Variants in FNDC1 observed in about 807,000 individuals in gnomAD.
The protein encoded by FNDC1 is fibronectin type III domain-containing protein 1.
FNDC1 carries 96 observed loss-of-function variants against 168.0 expected under a neutral mutation model. That is an observed-to-expected ratio of 0.57 (90% CI 0.48 to 0.68). The LOEUF is 0.68. Among genes scored for constraint, FNDC1 ranks in the 30% least tolerant of loss-of-function variants. FNDC1 has a pLI of 0.00. For missense variants in FNDC1, 2,587 were observed against 2,482.1 expected (o/e 1.04, Z -0.90); for synonymous variants, 1,099 against 1,025.9 (o/e 1.07, Z -1.36).
intron 1 of FNDC1, among the ~76,000 whole-genome samples, chr6:159,176,063 G>A (rs1356061342): frequency 6.6e-6 from 1 of 152,192 alleles, no homozygotes; most frequent in African/African-American, 2.4e-5. Flanking sequence ...GCTGGGCTCT[G>A]CTATTTAGGG....
chr6:159,270,775 G>T (rs1777729180), intron 22 of FNDC1, among the ~76,000 whole-genome samples: 1 of 152,216 alleles, frequency 6.6e-6, no homozygotes, highest in African/African-American at 2.4e-5. Flanking sequence ...TTGGAGGATA[G>T]AGGTAAGTTG....
intron 22 of FNDC1, among the ~76,000 whole-genome samples, chr6:159,268,298 C>A (rs977366572): frequency 6.6e-6 from 1 of 152,114 alleles, no homozygotes; most frequent in African/African-American, 2.4e-5. Flanking sequence ...CTAACTCTCT[C>A]GGCCTCCAAA....
intron 1 of FNDC1, among the ~76,000 whole-genome samples, chr6:159,192,165 A>G (rs1182414039): frequency 6.6e-6 from 1 of 152,190 alleles, no homozygotes; most frequent in East Asian, 1.9e-4. Flanking sequence ...TACGTGAGCC[A>G]CCACGCTCAG....
At chr6:159,230,935 A>C (rs542031) in intron 10 of FNDC1, among the ~76,000 whole-genome samples, 58,328 of 152,048 alleles carry the variant, frequency 0.38, 14,311 homozygotes, top group East Asian at 0.73. Flanking sequence ...ATTTAATATA[A>C]TGTTTGCCTA....
intron 22 of FNDC1, among the ~76,000 whole-genome samples, chr6:159,270,120 G>A (rs1485075876): frequency 6.6e-6 from 1 of 152,134 alleles, no homozygotes; most frequent in African/African-American, 2.4e-5. Context: ...AGCTGGTGAG[G>A]TCTAGGCTGC....
intron 1 of FNDC1, among the ~76,000 whole-genome samples, chr6:159,185,841 T>C (rs294877): frequency 0.47 from 71,099 of 152,098 alleles, 19,284 homozygotes; most frequent in African/African-American, 0.75. Flanking sequence ...TTTAGTATTC[T>C]GGCCTCTGTA....
At chr6:159,255,843 A>G (rs1777359648) in intron 17 of FNDC1, among the ~76,000 whole-genome samples, 1 of 152,220 alleles carries the variant, frequency 6.6e-6, no homozygotes, top group African/African-American at 2.4e-5. Flanking sequence ...CTGTGGGATG[A>G]ACTTTACTTT....
chr6:159,201,655 T>C (rs1417659182), intron 4 of FNDC1, among the ~76,000 whole-genome samples: 2 of 152,134 alleles, frequency 1.3e-5, no homozygotes, highest in African/African-American at 4.8e-5. Context: ...AATCAAACCA[T>C]GGAAATTCAG....
At chr6:159,262,323 G>A (rs779126399) in intron 19 of FNDC1, among the ~76,000 whole-genome samples, 7 of 152,196 alleles carry the variant, frequency 4.6e-5, no homozygotes, top group Non-Finnish European at 1.0e-4. Context: ...ATTTTTAAGT[G>A]TAATGATTTA....
intron 16 of FNDC1, among the ~76,000 whole-genome samples, chr6:159,250,895 C>T (rs1417070486): frequency 2.0e-5 from 3 of 152,098 alleles, no homozygotes; most frequent in Non-Finnish European, 4.4e-5. Flanking sequence ...TTTTCCTGGT[C>T]CCAAGATAGT....
At position 159,239,953 on chromosome 6, in the gene FNDC1, A is replaced by C; in HGVS notation, c.4617A>C (p.Glu1539Asp). Reference sequence around the variant, plus strand: ...ATGGGATCCCAGAGTGCTACGCTGAAGAAGGTAACTGCCTTTGTTCTAATG... The same window carrying C: ...ATGGGATCCCAGAGTGCTACGCTGACGAAGGTAACTGCCTTTGTTCTAATG... ...SSNGIPECYA[E>D]EDEFSGLETD... Residue 1539 changes from glutamate (E) to aspartate (D), a missense_variant, in exon 14 of 23, where the codon GAA (glutamate) becomes GAC (aspartate). Physicochemically the swap from Glu to Asp is conservative, Grantham distance 45 (BLOSUM62 2). Transcript: ENST00000297267. The C allele has an allele frequency of 1.4e-6, 2 of 1,477,248 alleles. No individual in the cohort carries two copies. The highest frequency in any genetic ancestry group is 1.8e-4 in the Middle Eastern group (1 of 5,600). 91.5% of individuals were successfully genotyped at this position (1,477,248 alleles called of 1,614,324 possible). A position where few individuals can be genotyped will look rare whatever the true frequency, so the allele number is the denominator to read the frequency against.
At chr6:159,250,840 C>A (rs1478767838) in intron 16 of FNDC1, among the ~76,000 whole-genome samples, 1 of 152,150 alleles carries the variant, frequency 6.6e-6, no homozygotes, top group African/African-American at 2.4e-5. Flanking sequence ...GGGAAGGCCA[C>A]CCAGGGTTGA....
intron 5 of FNDC1, among the ~76,000 whole-genome samples, chr6:159,221,118 A>G (rs1449986733): frequency 1.3e-5 from 2 of 152,258 alleles, no homozygotes; most frequent in Admixed American, 6.5e-5. Flanking sequence ...CCACAGGGAA[A>G]GAAAGACCTG....
intron 18 of FNDC1, among the ~76,000 whole-genome samples, chr6:159,259,032 C>T (rs1340269777): frequency 1.3e-5 from 2 of 152,172 alleles, no homozygotes; most frequent in South Asian, 2.1e-4. Flanking sequence ...TCCCAAAGAA[C>T]TCTTCGGAGT....
intron 15 of FNDC1, among the ~76,000 whole-genome samples, chr6:159,248,591 AC>A (rs1265163327): frequency 6.6e-6 from 1 of 152,158 alleles, no homozygotes; most frequent in African/African-American, 2.4e-5. Flanking sequence ...GGTGTGAGCC[AC>A]CACACCTGGC....
intron 22 of FNDC1, among the ~76,000 whole-genome samples, chr6:159,269,564 A>G (rs1393231121): frequency 6.7e-6 from 1 of 148,956 alleles, no homozygotes; most frequent in East Asian, 2.0e-4. Context: ...CCATCCATCC[A>G]TCCATCTATC....
intron 18 of FNDC1, among the ~76,000 whole-genome samples, chr6:159,258,203 T>G (rs1040134141): frequency 2.0e-5 from 3 of 152,198 alleles, no homozygotes; most frequent in Admixed American, 1.3e-4. Flanking sequence ...ACACACTTCC[T>G]GAGCGCAAGG....
rs746700679 is a variant in FNDC1 at position 159,239,945 on chromosome 6, T to C, written c.4609T>C (p.Tyr1537His). Residue 1537 changes from tyrosine to histidine, a missense_variant, in exon 14 of 23, where the codon TAC (tyrosine) becomes CAC (histidine). Coordinates refer to ENST00000297267, the MANE Select transcript of FNDC1 (RefSeq NM_032532.3). ...IMSSNGIPEC[Y>H]AEEDEFSGLE... ...GAGCTCCAATGGGATCCCAGAGTGCTACGCTGAAGAAGGTAACTGCCTTTG... is the reference window on the plus strand; with the variant it reads ...GAGCTCCAATGGGATCCCAGAGTGCCACGCTGAAGAAGGTAACTGCCTTTG... 2.2e-5 allele frequency: 33 copies of C among 1,482,682 alleles called. No individual in the cohort carries two copies. The South Asian group carries it at 3.8e-4, about 17-fold the overall frequency. The allele number at this position is 1,482,682 out of a possible 1,614,324, so 91.8% of individuals were successfully genotyped here.
chr6:159,230,840 C>A (rs1213224489), intron 10 of FNDC1, among the ~76,000 whole-genome samples: 1 of 152,186 alleles, frequency 6.6e-6, no homozygotes, highest in Non-Finnish European at 1.5e-5. Context: ...GCCCCTCCGG[C>A]ACTCTCACTG....
Sources: gnomAD v4.1 joint callset for allele counts (sites outside exome capture counted in the v4.1 genomes callset) on GRCh38, gnomAD v4.1.1 for gene constraint, MANE v1.5 for transcripts, NCBI Gene and HGNC (gene_info 2026-07-23, HGNC 2026-07-21) for gene names.